The following ITGA1 variants were observed in gnomAD, a reference collection of about 807,000 sequenced individuals.
ITGA1 encodes integrin alpha-1.
In ITGA1, 85 loss-of-function variants were observed where a neutral mutation model predicts 145.9. That is an observed-to-expected ratio of 0.58 (90% CI 0.49 to 0.70). The LOEUF (loss-of-function observed/expected upper bound fraction) is 0.70. Ranked by LOEUF, ITGA1 falls within the 30% of genes least tolerant of loss-of-function variation. The pLI is 0.00. For missense variants in ITGA1, 1,351 were observed against 1,418.7 expected, an observed-to-expected ratio of 0.95 and a Z score of 0.77; for synonymous variants, 520 against 495.3, an observed-to-expected ratio of 1.05 and a Z score of -0.66.
intron 6 of ITGA1, among the ~76,000 whole-genome samples, chr5:52,869,714 T>G (rs189087378): frequency 1.6e-3 from 239 of 152,354 alleles, no homozygotes; most frequent in African/African-American, 4.9e-3. Flanking sequence ...CAGTTTTGTA[T>G]TTTTCTCTGA....
At chr5:52,807,570 AAAT>A (rs1320888300) in intron 1 of ITGA1, among the ~76,000 whole-genome samples, 2 of 152,348 alleles carry the variant, frequency 1.3e-5, no homozygotes, top group African/African-American at 4.8e-5. Context: ...CTAAAAATAA[AAAT>A]AAATTATTTG....
chr5:52,895,086 C>G (rs1750205169), intron 9 of ITGA1, among the ~76,000 whole-genome samples: 1 of 152,030 alleles, frequency 6.6e-6, no homozygotes, highest in Non-Finnish European at 1.5e-5. Flanking sequence ...CAATTCCATT[C>G]TACCCTAATC....
At chr5:52,854,955 A>G (rs1348620525) in intron 2 of ITGA1, among the ~76,000 whole-genome samples, 2 of 152,210 alleles carry the variant, frequency 1.3e-5, no homozygotes, top group Admixed American at 1.3e-4. Context: ...GGTCATTACA[A>G]AAATGCCATA....
intron 27 of ITGA1, among the ~76,000 whole-genome samples, chr5:52,945,527 T>G (rs1322985774): frequency 6.6e-6 from 1 of 152,206 alleles, no homozygotes; most frequent in Non-Finnish European, 1.5e-5. Context: ...TAATACAAAT[T>G]CAGACTTGAG....
In ITGA1 at chr5:52,898,982, A is replaced by G. The variant is rs574450695; in HGVS notation, c.1309+599A>G. On this transcript the variant is annotated intron_variant, in intron 11 of 28. Transcript: ENST00000282588. ...TGGTACCACTTTATTTGGGATCTAT[A>G]CCAAGCTGAGCAACACCTGGGGGAT... Among the ~76,000 whole-genome samples the G allele has an allele frequency of 6.6e-5, 10 of 152,260 alleles. No individual in the cohort carries two copies. The South Asian group carries it at 1.2e-3, about 19-fold the overall frequency.
intron 6 of ITGA1, among the ~76,000 whole-genome samples, 171 bp from the exon 7 acceptor site, chr5:52,881,702 G>A (rs57616741): frequency 0.11 from 17,010 of 152,174 alleles, 1,220 homozygotes; most frequent in East Asian, 0.18. Context: ...TTTGGACTAC[G>A]AACAGTCACA....
chr5:52,900,657 A>C (rs1362571135), intron 11 of ITGA1, among the ~76,000 whole-genome samples: 1 of 152,230 alleles, frequency 6.6e-6, no homozygotes, highest in Non-Finnish European at 1.5e-5. Flanking sequence ...TACAAGGTGT[A>C]CAATTAGCGA....
At chr5:52,950,577 T>C (rs1014600344) in intron 28 of ITGA1, among the ~76,000 whole-genome samples, 2 of 152,190 alleles carry the variant, frequency 1.3e-5, no homozygotes, top group Admixed American at 6.5e-5. Context: ...ACAAACTCTA[T>C]TGGTTTCAAA....
At chr5:52,900,106 C>T (rs1353497446) in intron 11 of ITGA1, among the ~76,000 whole-genome samples, 1 of 152,042 alleles carries the variant, frequency 6.6e-6, no homozygotes, top group Non-Finnish European at 1.5e-5. Flanking sequence ...ATGAAACAAG[C>T]AATCACTATC....
rs192626411 is a variant in ITGA1, at chr5:52,888,299, G to A, written c.924+334G>A. On this transcript the variant is annotated intron_variant, in intron 8 of 28. Transcript: ENST00000282588. Reference sequence around the variant, plus strand: ...AGGACTGAAAAAAAGAAGAGGAAAAGAAGAGGAGGAAAGGAAGGGAAGAGG... The same window carrying A: ...AGGACTGAAAAAAAGAAGAGGAAAAAAAGAGGAGGAAAGGAAGGGAAGAGG... 1.9e-3 allele frequency among the ~76,000 whole-genome samples: 282 copies of A among 152,196 alleles called. 1 individual carries two copies. The highest frequency in any genetic ancestry group is 1.4e-3 in the Non-Finnish European group (96 of 68,002).
chr5:52,862,452 A>C lies in ITGA1; in HGVS notation c.295+893A>C, dbSNP rs533823194. ...ATTCCCTCTGTCCTTAATTTGCTTTAGAAAGTCATCAAGGAGCATACATAA... is the reference window on the plus strand; with the variant it reads ...ATTCCCTCTGTCCTTAATTTGCTTTCGAAAGTCATCAAGGAGCATACATAA... On this transcript the variant is annotated intron_variant, in intron 3 of 28. Transcript: ENST00000282588. 3.3e-5 allele frequency among the ~76,000 whole-genome samples: 5 copies of C among 152,282 alleles called. No homozygotes were observed. In the East Asian group the frequency reaches 9.6e-4, roughly 29 times the overall value.
chr5:52,922,919 C>A (rs1750752010), intron 18 of ITGA1, 32 bp downstream of exon 18: 1 of 1,260,394 alleles, frequency 7.9e-7, no homozygotes, highest in Non-Finnish European at 1.2e-6. Context: ...TACAAAATAC[C>A]AACTTGTGAA....
rs564700772 is a variant in ITGA1 at position 52,872,438 on chromosome 5, A to G, written c.624+6621A>G. The stretch of plus-strand genomic sequence containing the variant: ...GAGTTCAGAACATTTCCCTAATAAC[A>G]AACAAAAAAGAAACAAATAACTCTT... On this transcript the variant is annotated intron_variant, in intron 6 of 28. Transcript: ENST00000282588. 3.3e-5 allele frequency among the ~76,000 whole-genome samples: 5 copies of G among 152,226 alleles called. No individual in the cohort carries two copies. In the South Asian group the frequency reaches 1.0e-3, roughly 32 times the overall value.
chr5:52,895,672 A>G (rs1032581765), intron 9 of ITGA1, among the ~76,000 whole-genome samples: 4 of 152,128 alleles, frequency 2.6e-5, no homozygotes, highest in African/African-American at 9.7e-5. Flanking sequence ...CTGAAATGAC[A>G]TTTCAGATTA....
chr5:52,920,190 C>A (rs576304843), intron 16 of ITGA1, 142 bp from the exon 17 acceptor site: 10 of 596,872 alleles, frequency 1.7e-5, no homozygotes, highest in Middle Eastern at 9.0e-4. Flanking sequence ...ATTGTTATAA[C>A]AGTGTGGATA....
At chr5:52,912,563 AGG>A (rs1372668432) in intron 14 of ITGA1, among the ~76,000 whole-genome samples, 3 of 92,328 alleles carry the variant, frequency 3.2e-5, no homozygotes, top group Admixed American at 1.1e-4. Flanking sequence ...TATCCACTAT[AGG>A]TATTATATAT....
intron 2 of ITGA1, among the ~76,000 whole-genome samples, chr5:52,859,392 T>C (rs1207011585): frequency 6.6e-6 from 1 of 152,226 alleles, no homozygotes; most frequent in Non-Finnish European, 1.5e-5. Flanking sequence ...GGTCATTTTA[T>C]TTAGGATAGA....
chr5:52,910,945 GTATATAGTATATACACTATATATACTA>G (rs1750502735), intron 14 of ITGA1, among the ~76,000 whole-genome samples: 2 of 134,242 alleles, frequency 1.5e-5, no homozygotes, highest in African/African-American at 2.8e-5. Context: ...TATGTATACT[GTATATAGTATATACACTATATATACTA>G]TATATAGTAT....
rs1751333070 is a variant in ITGA1 at position 52,958,393 on chromosome 5, C to A, written c.*5942C>A. ...AAGTAAATTGTTGATTAAATAAGAG[C>A]AAAACTATATTCTTATGTGTAGATT... is the stretch of plus-strand genomic sequence containing the variant. On this transcript the variant is annotated 3_prime_UTR_variant, in exon 29 of 29. Coordinates refer to ENST00000282588, the MANE Select transcript of ITGA1 (RefSeq NM_181501.2). 6.6e-6 allele frequency: 1 copy of A among 152,154 alleles called. No homozygotes were observed. Among genetic ancestry groups the A allele is most frequent in the South Asian group, 2.1e-4 (1 of 4,828 alleles). 9.4% of individuals were successfully genotyped at this position (152,154 alleles called of 1,614,324 possible). A position where few individuals can be genotyped will look rare whatever the true frequency, so the allele number is the denominator to read the frequency against.
Sources: gnomAD v4.1 joint callset for allele counts (sites outside exome capture counted in the v4.1 genomes callset) on GRCh38, gnomAD v4.1.1 for gene constraint, MANE v1.5 for transcripts, NCBI Gene and HGNC (gene_info 2026-07-23, HGNC 2026-07-21) for gene names.